Variants in RUNX1 observed in about 807,000 individuals in gnomAD.
The protein encoded by RUNX1 is runt-related transcription factor 1.
In RUNX1, 19 loss-of-function variants were observed where a neutral mutation model predicts 42.8. That is an observed-to-expected ratio of 0.44 (90% CI 0.31 to 0.65). The LOEUF (loss-of-function observed/expected upper bound fraction) is 0.65, where lower values mean the gene tolerates loss of function less well. RUNX1 is among the 30% of genes least tolerant of loss of function. RUNX1 has a pLI of 0.07. For missense variants in RUNX1, 528 were observed against 672.0 expected (o/e 0.79, Z 2.37); for synonymous variants, 271 against 289.4 (o/e 0.94, Z 0.64).
At position 34,892,926 on chromosome 21, in the gene RUNX1, G is replaced by T; in HGVS notation, c.96C>A (p.His32Gln). ...AATATAACTTGGAATTTAACATACC[G>T]TGGACGTCTCTAGAAGGATTCATTC... ...ILGMNPSRDVHDASTSRRFTP... is the reference protein window; with the variant it reads ...ILGMNPSRDVQDASTSRRFTP... The change falls in exon 3 of 9, where the codon CAC becomes CAA. Residue 32 changes from histidine (H) to glutamine (Q), a missense_variant and splice_region_variant. By Grantham distance (24) the His-to-Gln change is conservative. Around this residue, in one of 3 missense-constraint regions of RUNX1, gnomAD observed 114 missense variants for 115.0 expected, o/e 0.99. Transcript: ENST00000675419. 6.4e-7 allele frequency: 1 copy of T among 1,552,032 alleles called. No homozygotes were observed. The highest frequency in any genetic ancestry group is 8.9e-7 in the Non-Finnish European group (1 of 1,124,598).
chr21:34,814,814 G>A (rs960908885), intron 7 of RUNX1, among the ~76,000 whole-genome samples: 3 of 152,144 alleles, frequency 2.0e-5, no homozygotes, highest in Non-Finnish European at 4.4e-5. Flanking sequence ...GATAACATCA[G>A]GCTTCTGTCC....
intron 2 of RUNX1, among the ~76,000 whole-genome samples, chr21:34,954,009 TTTTC>T (rs2058627356): frequency 6.6e-6 from 1 of 152,240 alleles, no homozygotes; most frequent in African/African-American, 2.4e-5. Flanking sequence ...TCCAAAATGA[TTTTC>T]TTTAAGTTTT....
intron 4 of RUNX1, among the ~76,000 whole-genome samples, chr21:34,884,626 T>C (rs1362756454): frequency 6.6e-6 from 1 of 152,228 alleles, no homozygotes; most frequent in East Asian, 1.9e-4. Context: ...ATGTTTTGCT[T>C]GCTTTTATCC....
chr21:34,789,512 A>T lies in RUNX1; in HGVS notation c.*2623T>A. 4.3e-6 allele frequency: 1 copy of T among 233,674 alleles called. No homozygotes were observed. The allele number at this position is 233,674 out of a possible 1,614,324, so 14.5% of individuals were successfully genotyped here. A position where few individuals can be genotyped will look rare whatever the true frequency, so the allele number is the denominator to read the frequency against. Reference sequence around the variant, plus strand: ...CATGATTGGCTTAAGGGTCTCATTGATACCTTAACTTTCCTGAGGGCAATG... The same window carrying T: ...CATGATTGGCTTAAGGGTCTCATTGTTACCTTAACTTTCCTGAGGGCAATG... On this transcript the variant is annotated 3_prime_UTR_variant, in exon 9 of 9. Transcript: ENST00000675419.
At chr21:34,893,514 C>T (rs1483923022) in intron 2 of RUNX1, among the ~76,000 whole-genome samples, 1 of 152,084 alleles carries the variant, frequency 6.6e-6, no homozygotes, top group East Asian at 1.9e-4. Context: ...CATGATAATT[C>T]CCAAATATGG....
chr21:34,952,693 T>C (rs886532568), intron 2 of RUNX1, among the ~76,000 whole-genome samples: 10 of 152,190 alleles, frequency 6.6e-5, no homozygotes, highest in African/African-American at 2.4e-4. Context: ...GAAATTGATA[T>C]TTGGGACGTT....
At chr21:34,844,793 G>A (rs977866741) in intron 6 of RUNX1, among the ~76,000 whole-genome samples, 1 of 152,202 alleles carries the variant, frequency 6.6e-6, no homozygotes, top group African/African-American at 2.4e-5. Flanking sequence ...TGACTCTGAC[G>A]CTCTCTCCTG....
intron 2 of RUNX1, among the ~76,000 whole-genome samples, chr21:34,997,304 A>C (rs1209083515): frequency 6.6e-6 from 1 of 152,244 alleles, no homozygotes; most frequent in Admixed American, 6.5e-5. Flanking sequence ...CTGACAGCCC[A>C]TATTTTTCAA....
chr21:34,829,306 G>A (rs2057031707), intron 7 of RUNX1, among the ~76,000 whole-genome samples: 1 of 152,142 alleles, frequency 6.6e-6, no homozygotes, highest in African/African-American at 2.4e-5. Flanking sequence ...TAGTGCATGG[G>A]TGTGCTGGCC....
At chr21:35,005,555 C>T (rs577045748) in intron 2 of RUNX1, among the ~76,000 whole-genome samples, 1 of 152,266 alleles carries the variant, frequency 6.6e-6, no homozygotes, top group East Asian at 1.9e-4. Flanking sequence ...ACTTAAAAGA[C>T]AGGCTCCACA....
chr21:34,981,080 A>C lies in RUNX1; in HGVS notation c.58+67762T>G, dbSNP rs7277475. The stretch of plus-strand genomic sequence containing the variant: ...TTGACTTAAAATTATTAAGAGGCTA[A>C]AATATCAAAGGAGAAGACAAGTCTG... On this transcript the variant is annotated intron_variant, in intron 2 of 8. Coordinates refer to ENST00000675419, the MANE Select transcript of RUNX1 (RefSeq NM_001754.5). 1.1e-4 allele frequency among the ~76,000 whole-genome samples: 17 copies of C among 152,346 alleles called. 1 individual carries two copies. The highest frequency in any genetic ancestry group is 4.1e-4 in the African/African-American group (17 of 41,588).
chr21:34,805,005 G>A (rs1378824228), intron 7 of RUNX1, among the ~76,000 whole-genome samples: 3 of 151,750 alleles, frequency 2.0e-5, no homozygotes, highest in Non-Finnish European at 2.9e-5. Context: ...CACCCACTTC[G>A]GCCTTCCAAA....
rs1299650215 is a variant in RUNX1, at chr21:34,930,239, T to TATACATGTATATATATTATATATACA, written c.59-37277_59-37276insTGTATATATAATATATATACATGTAT. 1.3e-4 allele frequency among the ~76,000 whole-genome samples: 17 copies of TATACATGTATATATATTATATATACA among 130,598 alleles called. 1 individual carries two copies. The highest frequency in any genetic ancestry group is 6.1e-4 in the African/African-American group (17 of 27,990). The allele number at this position is 130,598 out of a possible 152,430, so 85.7% of individuals were successfully genotyped here. A position where few individuals can be genotyped will look rare whatever the true frequency, so the allele number is the denominator to read the frequency against. The stretch of plus-strand genomic sequence containing the variant: ...CATGTATATATATTATATATACATA[T>TATACATGTATATATATTATATATACA]TATATATGTATATTATACGTGTGTG... On this transcript the variant is annotated intron_variant, in intron 2 of 8. Transcript: ENST00000675419.
At chr21:34,988,857 T>C (rs1462896440) in intron 2 of RUNX1, among the ~76,000 whole-genome samples, 2 of 152,150 alleles carry the variant, frequency 1.3e-5, no homozygotes, top group Non-Finnish European at 2.9e-5. Flanking sequence ...CAGTAGCTGA[T>C]AGTGGGCAGG....
At chr21:34,870,478 C>T (rs2057721380) in intron 5 of RUNX1, among the ~76,000 whole-genome samples, 1 of 152,180 alleles carries the variant, frequency 6.6e-6, no homozygotes, top group African/African-American at 2.4e-5. Context: ...GTTGTCACAA[C>T]CAGGAGGGTG....
intron 2 of RUNX1, among the ~76,000 whole-genome samples, chr21:34,897,599 G>C (rs2058140798): frequency 3.3e-5 from 5 of 152,142 alleles, no homozygotes. Flanking sequence ...TTGGGTGGTG[G>C]GGCGGGTGAG....
At chr21:35,023,876 AAC>A (rs546440580) in intron 2 of RUNX1, among the ~76,000 whole-genome samples, 75 of 151,806 alleles carry the variant, frequency 4.9e-4, no homozygotes, top group African/African-American at 1.8e-3. Context: ...AAAAATAATA[AAC>A]ACATAAATTA....
rs1353809056 is a variant in RUNX1, at chr21:34,971,702, C to T, written c.58+77140G>A. Among the ~76,000 whole-genome samples, 3 of 152,150 alleles carry T rather than the reference C, an allele frequency of 2.0e-5. No individual in the cohort carries two copies. The East Asian group carries it at 5.8e-4, about 29-fold the overall frequency. ...GGCCTAACTACACCAGAAGGTAGGG[C>T]ACAGGTTCCCATGTGAGGGCAAGAG... is the stretch of plus-strand genomic sequence containing the variant. On this transcript the variant is annotated intron_variant, in intron 2 of 8. Coordinates refer to ENST00000675419, the MANE Select transcript of RUNX1 (RefSeq NM_001754.5).
chr21:34,897,248 G>A (rs1380145440), intron 2 of RUNX1, among the ~76,000 whole-genome samples: 2 of 152,042 alleles, frequency 1.3e-5, no homozygotes, highest in African/African-American at 4.8e-5. Flanking sequence ...AATTCCTATT[G>A]ACATCATTCT....
Sources: gnomAD v4.1 joint callset for allele counts (sites outside exome capture counted in the v4.1 genomes callset) on GRCh38, gnomAD v4.1.1 for gene constraint, gnomAD v4.1.1 regional missense constraint, MANE v1.5 for transcripts, NCBI Gene and HGNC (gene_info 2026-07-23, HGNC 2026-07-21) for gene names.